STX3: variants seen among roughly 807,000 people sequenced by gnomAD.
The protein encoded by STX3 is syntaxin-3.
A neutral mutation model predicts 40.2 loss-of-function variants in STX3; 19 were observed. The ratio of observed to expected loss-of-function variants is 0.47; its 90% CI spans 0.33 to 0.69. STX3 has a LOEUF of 0.69. Among genes scored for constraint, STX3 ranks in the 30% least tolerant of loss-of-function variants. The pLI is 0.02. For missense variants in STX3, 364 were observed against 366.7 expected, an observed-to-expected ratio of 0.99 and a Z score of 0.06; for synonymous variants, 122 against 132.2, an observed-to-expected ratio of 0.92 and a Z score of 0.53.
At chr11:59,778,287 G>C (rs1189846806) in intron 2 of STX3, among the ~76,000 whole-genome samples, 2 of 152,054 alleles carry the variant, frequency 1.3e-5, no homozygotes, top group Non-Finnish European at 2.9e-5. Context: ...ATTAAGAAAG[G>C]GTGCAGCTAG....
chr11:59,796,893 T>C (rs1865549419), intron 9 of STX3, among the ~76,000 whole-genome samples: 1 of 152,214 alleles, frequency 6.6e-6, no homozygotes. Context: ...AGAGGATTGC[T>C]TGAGCCCAGG....
At chr11:59,781,100 T>TTTTTTTTTTTTTTTTTTTTTTATATA (rs963410109) in intron 2 of STX3, among the ~76,000 whole-genome samples, 4 of 146,304 alleles carry the variant, frequency 2.7e-5, no homozygotes, top group African/African-American at 5.2e-5. Context: ...TTTTTTTTTT[T>TTTTTTTTTTTTTTTTTTTTTTATATA]TATATTAGCA....
rs1331785436 is a variant in STX3 at position 59,804,894 on chromosome 11, G to C, written c.*4070G>C. ...CTAGCTGAAACTGCTGGCCAGTAAC[G>C]TATGTATAAGAAACTGTTATAGGCC... On this transcript the variant is annotated 3_prime_UTR_variant, in exon 11 of 11. Transcript: ENST00000337979. 1 of 152,004 alleles carries C rather than the reference G, an allele frequency of 6.6e-6. No homozygotes were observed. The highest frequency in any genetic ancestry group is 2.4e-5 in the African/African-American group (1 of 41,336). The allele number at this position is 152,004 out of a possible 1,614,324, so 9.4% of individuals were successfully genotyped here.
chr11:59,788,225 C>G (rs1864897945), intron 3 of STX3, among the ~76,000 whole-genome samples: 1 of 152,178 alleles, frequency 6.6e-6, no homozygotes, highest in South Asian at 2.1e-4. Flanking sequence ...ACACCTTGAC[C>G]AGAACTCATA....
intron 4 of STX3, among the ~76,000 whole-genome samples, chr11:59,790,180 G>A (rs1865037326): frequency 6.6e-6 from 1 of 152,164 alleles, no homozygotes; most frequent in South Asian, 2.1e-4. Context: ...GTGAGGGAGG[G>A]ACTGTTATTC....
In STX3 at chr11:59,773,282, G is replaced by C. The variant is rs768066268; in HGVS notation, c.102G>C (p.Glu34Asp). Reference protein sequence around the residue: ...IAIDNTAFMDEFFSEIEETRL... With the variant: ...IAIDNTAFMDDFFSEIEETRL... ...TCGACAACACGGCTTTTATGGACGA[G>C]TTCTTTTCTGAGGTAGGCAACCTTC... is the stretch of plus-strand genomic sequence containing the variant. The change falls in exon 2 of 11, where the codon GAG (glutamate) becomes GAC (aspartate). Residue 34 changes from glutamate (E) to aspartate (D), a missense_variant. Physicochemically the swap from Glu to Asp is conservative, Grantham distance 45. Coordinates refer to ENST00000337979, the MANE Select transcript of STX3 (RefSeq NM_004177.5). 4 of 1,614,034 alleles carry C rather than the reference G, an allele frequency of 2.5e-6. No homozygotes were observed. The highest frequency in any genetic ancestry group is 3.3e-5 in the Admixed American group (2 of 60,012).
At chr11:59,777,476 C>T (rs766626587) in intron 2 of STX3, among the ~76,000 whole-genome samples, 11 of 152,132 alleles carry the variant, frequency 7.2e-5, no homozygotes, top group Admixed American at 2.0e-4. Context: ...GTGGAGGGTG[C>T]GAAAGACCTG....
chr11:59,781,609 T>C (rs898926868), intron 2 of STX3: 13 of 1,613,674 alleles, frequency 8.1e-6, no homozygotes, highest in Non-Finnish European at 1.1e-5. Flanking sequence ...GGCTTGGCCA[T>C]TGCGCCCATT....
chr11:59,764,768 A>G (rs1863202768), intron 1 of STX3, among the ~76,000 whole-genome samples: 1 of 152,152 alleles, frequency 6.6e-6, no homozygotes, highest in South Asian at 2.1e-4. Flanking sequence ...TATTTAATTA[A>G]GCAGTTGTCT....
At chr11:59,761,854 T>G (rs1863056208) in intron 1 of STX3, among the ~76,000 whole-genome samples, 1 of 152,110 alleles carries the variant, frequency 6.6e-6, no homozygotes, top group African/African-American at 2.4e-5. Context: ...AGTTTTAGCC[T>G]ACTTTTAGAT....
At chr11:59,774,192 C>G (rs1017869009) in intron 2 of STX3, among the ~76,000 whole-genome samples, 1 of 151,960 alleles carries the variant, frequency 6.6e-6, no homozygotes, top group Non-Finnish European at 1.5e-5. Context: ...AGTAGTATAT[C>G]GTGGATGAAA....
chr11:59,778,563 G>C (rs1222401904), intron 2 of STX3, among the ~76,000 whole-genome samples: 1 of 152,198 alleles, frequency 6.6e-6, no homozygotes, highest in East Asian at 1.9e-4. Context: ...AGGGGCCAGG[G>C]AATGGCTGTT....
chr11:59,769,746 C>T lies in STX3; in HGVS notation c.31-3465C>T, dbSNP rs191487713. ...AGTTGTTCCCAGCTTCTGGAAACTT[C>T]CTTTAATCCATCCCATGATGGTAGC... On this transcript the variant is annotated intron_variant, in intron 1 of 10. Coordinates refer to ENST00000337979, the MANE Select transcript of STX3 (RefSeq NM_004177.5). Among the ~76,000 whole-genome samples the T allele has an allele frequency of 3.9e-5, 6 of 152,260 alleles. No individual in the cohort carries two copies. The East Asian group carries it at 1.2e-3, about 29-fold the overall frequency.
intron 1 of STX3, among the ~76,000 whole-genome samples, chr11:59,761,818 G>A (rs978772032): frequency 1.4e-5 from 2 of 143,648 alleles, no homozygotes; most frequent in Non-Finnish European, 3.1e-5. Context: ...TGGCATCAGG[G>A]TTTTTTTTTT....
At chr11:59,756,823 G>A (rs1002795365) in intron 1 of STX3, among the ~76,000 whole-genome samples, 1 of 152,210 alleles carries the variant, frequency 6.6e-6, no homozygotes, top group African/African-American at 2.4e-5. Context: ...TGGCACGGGG[G>A]ACTTAATAAA....
intron 1 of STX3, among the ~76,000 whole-genome samples, chr11:59,771,486 G>A (rs1184550919): frequency 1.3e-5 from 2 of 150,644 alleles, no homozygotes; most frequent in African/African-American, 4.9e-5. Flanking sequence ...GTGATGGTTG[G>A]TGTCGAAAGT....
chr11:59,778,193 G>A (rs1027511222), intron 2 of STX3, among the ~76,000 whole-genome samples: 12 of 152,114 alleles, frequency 7.9e-5, no homozygotes, highest in Admixed American at 5.2e-4. Flanking sequence ...TTAAAAGAGC[G>A]GTACATAGGT....
intron 2 of STX3, among the ~76,000 whole-genome samples, chr11:59,773,716 A>C (rs1280790807): frequency 6.6e-6 from 1 of 152,212 alleles, no homozygotes; most frequent in African/African-American, 2.4e-5. Flanking sequence ...ATGGTGGCTC[A>C]CACCTGTAAG....
intron 1 of STX3, among the ~76,000 whole-genome samples, chr11:59,760,201 G>A (rs504016): frequency 0.11 from 16,627 of 152,080 alleles, 1,277 homozygotes; most frequent in African/African-American, 0.2. Flanking sequence ...GGGGGAAGTC[G>A]GGGGAATTGG....
Sources: allele counts gnomAD v4.1 joint callset (sites outside exome capture counted in the v4.1 genomes callset), GRCh38; gene constraint gnomAD v4.1.1; transcripts MANE v1.5; gene names NCBI Gene and HGNC (gene_info 2026-07-23, HGNC 2026-07-21).